The following PATJ variants were observed in gnomAD, a reference collection of about 807,000 sequenced individuals.
The protein encoded by PATJ is PATJ crumbs cell polarity complex component, also known as inaD-like protein.
Under a neutral mutation model 224.9 loss-of-function variants are expected in PATJ, and 190 were observed. The ratio of observed to expected loss-of-function variants is 0.84; its 90% CI spans 0.75 to 0.95. PATJ has a LOEUF of 0.95. Among genes scored for constraint, PATJ ranks in the 40% least tolerant of loss-of-function variants. The pLI, the probability that PATJ is intolerant of heterozygous loss-of-function variation, is 0.00. For missense variants in PATJ, 2,121 were observed against 2,270.3 expected (o/e 0.93, Z 1.34); for synonymous variants, 769 against 820.3 (o/e 0.94, Z 1.07).
rs34267345 is a variant in PATJ, at chr1:61,965,121, CAAAAAAAAAAAAAAAAAAAAAAAAAAA to C, written c.3671-25033_3671-25007del. Among the ~76,000 whole-genome samples the C allele has an allele frequency of 1.1e-3, 58 of 54,372 alleles. 2 individuals carry two copies. Among genetic ancestry groups the C allele is most frequent in the South Asian group, 6.4e-4 (1 of 1,552 alleles). 35.7% of individuals were successfully genotyped at this position (54,372 alleles called of 152,430 possible). ...TGGGCCACTGAAGGAGACTCTGTCT[CAAAAAAAAAAAAAAAAAAAAAAAAAAA>C]AAAAAAAAAAAAAGGAGCCTTCATG... On this transcript the variant is annotated intron_variant, in intron 27 of 43. Coordinates refer to ENST00000642238, the MANE Select transcript of PATJ (RefSeq NM_001350145.3).
intron 1 of PATJ, among the ~76,000 whole-genome samples, chr1:61,748,599 C>T (rs2148160711): frequency 6.6e-6 from 1 of 152,210 alleles, no homozygotes; most frequent in African/African-American, 2.4e-5. Context: ...CTCTCTATAA[C>T]CTCCTCCCTT....
chr1:61,893,662 C>T (rs545732910), intron 22 of PATJ, among the ~76,000 whole-genome samples: 1 of 151,818 alleles, frequency 6.6e-6, no homozygotes, highest in South Asian at 2.1e-4. Context: ...ATTAGCCGGG[C>T]ATGGTAGTGC....
At chr1:61,747,631 G>A (rs1157743098) in intron 1 of PATJ, among the ~76,000 whole-genome samples, 1 of 152,204 alleles carries the variant, frequency 6.6e-6, no homozygotes, top group Non-Finnish European at 1.5e-5. Flanking sequence ...ACTCAAGTTT[G>A]TGAGTGCTCT....
Position 61,888,384 on chromosome 1 carries a change from C to T in PATJ, c.3131+3976C>T, listed in dbSNP as rs12042462. On this transcript the variant is annotated intron_variant, in intron 22 of 43. Coordinates refer to ENST00000642238, the MANE Select transcript of PATJ (RefSeq NM_001350145.3). The stretch of plus-strand genomic sequence containing the variant: ...CTCCGCTTCCCAGGTTCACACCATC[C>T]TCCCACCTCAGCCTCCTGAGTAGCT... Among the ~76,000 whole-genome samples, 623 of 152,276 alleles carry T rather than the reference C, an allele frequency of 4.1e-3. 13 individuals are homozygous for T. The East Asian group carries it at 0.07, about 17-fold the overall frequency.
At chr1:61,968,353 G>A (rs1363544047) in intron 27 of PATJ, among the ~76,000 whole-genome samples, 1 of 152,056 alleles carries the variant, frequency 6.6e-6, no homozygotes, top group African/African-American at 2.4e-5. Flanking sequence ...TGATCACAAC[G>A]TTAGCCGTAA....
chr1:61,910,536 C>CTTTTTTTTTTTTT lies in PATJ; in HGVS notation c.3492+2070_3492+2082dup, dbSNP rs71050181. Among the ~76,000 whole-genome samples, 6 of 42,242 alleles carry CTTTTTTTTTTTTT rather than the reference C, an allele frequency of 1.4e-4. 2 individuals carry two copies. The highest frequency in any genetic ancestry group is 2.6e-4 in the Non-Finnish European group (6 of 23,528). 27.7% of individuals were successfully genotyped at this position (42,242 alleles called of 152,430 possible). A position where few individuals can be genotyped will look rare whatever the true frequency, so the allele number is the denominator to read the frequency against. ...ACTTTGTTTATAGGGCAAAGTGACT[C>CTTTTTTTTTTTTT]TTTTTTTTTTTTTTTTTTTTTTTTT... On this transcript the variant is annotated intron_variant, in intron 25 of 43. Transcript: ENST00000642238.
intron 27 of PATJ, among the ~76,000 whole-genome samples, chr1:61,954,193 A>G (rs755899033): frequency 1.3e-5 from 2 of 152,220 alleles, no homozygotes; most frequent in Non-Finnish European, 1.5e-5. Flanking sequence ...ATTTAACTCC[A>G]AAGTATTTTA....
intron 30 of PATJ, among the ~76,000 whole-genome samples, chr1:62,049,286 AT>A (rs71050195): frequency 0.2 from 25,376 of 126,390 alleles, 2,818 homozygotes; most frequent in African/African-American, 0.36. Flanking sequence ...CACACAGAGT[AT>A]TTTTTTTTCT....
intron 24 of PATJ, among the ~76,000 whole-genome samples, chr1:61,905,772 C>G (rs1334581590): frequency 2.0e-5 from 3 of 152,132 alleles, no homozygotes; most frequent in Non-Finnish European, 4.4e-5. Flanking sequence ...CTCTCACACT[C>G]AAAACAGAAT....
In PATJ at chr1:62,129,040, AG is replaced by A. The variant is rs1666018207; in HGVS notation, c.5271+98del. On this transcript the variant is annotated intron_variant, in intron 41 of 43. Coordinates refer to ENST00000642238, the MANE Select transcript of PATJ (RefSeq NM_001350145.3). ...CTGGCAGTAGACATCGCCACCCAGC[AG>A]GGTGCTTGCTGATGTGAATTACGAA... The A allele has an allele frequency of 1.9e-5, 14 of 748,460 alleles. No homozygotes were observed. The South Asian group carries it at 2.5e-4, about 13-fold the overall frequency. The allele number at this position is 748,460 out of a possible 1,614,324, so 46.4% of individuals were successfully genotyped here. A position where few individuals can be genotyped will look rare whatever the true frequency, so the allele number is the denominator to read the frequency against.
intron 41 of PATJ, among the ~76,000 whole-genome samples, chr1:62,131,838 C>T (rs991086668): frequency 1.3e-5 from 2 of 150,896 alleles, no homozygotes; most frequent in Non-Finnish European, 2.9e-5. Context: ...TAATAAAAAC[C>T]AATATAACCA....
At chr1:62,151,304 AAATT>A (rs1231682735) in intron 42 of PATJ, among the ~76,000 whole-genome samples, 1 of 151,332 alleles carries the variant, frequency 6.6e-6, no homozygotes, top group Non-Finnish European at 1.5e-5. Flanking sequence ...AAACCCAGCA[AAATT>A]GGCCAGGCGG....
At chr1:62,152,420 G>A (rs1299779404) in intron 42 of PATJ, among the ~76,000 whole-genome samples, 2 of 150,466 alleles carry the variant, frequency 1.3e-5, no homozygotes, top group Non-Finnish European at 1.5e-5. Context: ...TTTGGGAGGC[G>A]TCAGGTGGAT....
chr1:62,152,350 G>A (rs190287876), intron 42 of PATJ, among the ~76,000 whole-genome samples: 50 of 144,488 alleles, frequency 3.5e-4, no homozygotes, highest in Non-Finnish European at 6.1e-4. Context: ...TGGCCAGGGC[G>A]TTCCGGCAGA....
chr1:61,837,223 A>G (rs1660318806), intron 17 of PATJ, among the ~76,000 whole-genome samples: 1 of 152,238 alleles, frequency 6.6e-6, no homozygotes, highest in African/African-American at 2.4e-5. Flanking sequence ...ATGGAAATAT[A>G]TTAACAATTA....
Position 61,805,524 on chromosome 1 carries a change from G to T in PATJ, c.1626G>T (p.Met542Ile), listed in dbSNP as rs1172317161. ...ENLLGPDYEVMVATLDTQIAD... is the reference protein window; with the variant it reads ...ENLLGPDYEVIVATLDTQIAD... Reference sequence around the variant, plus strand: ...TGTTGGGTCCTGATTATGAAGTAATGGTATGTTAAAATGCTCTAATAAAAA... The same window carrying T: ...TGTTGGGTCCTGATTATGAAGTAATTGTATGTTAAAATGCTCTAATAAAAA... The change falls in exon 13 of 44, where the codon ATG (methionine) becomes ATT (isoleucine). Residue 542 changes from methionine (M) to isoleucine (I), a missense_variant and splice_region_variant. Physicochemically the swap from Met to Ile is conservative, Grantham distance 10. Coordinates refer to ENST00000642238, the MANE Select transcript of PATJ (RefSeq NM_001350145.3). The T allele has an allele frequency of 4.5e-6, 7 of 1,551,758 alleles. No homozygotes were observed. The highest frequency in any genetic ancestry group is 1.1e-5 in the South Asian group (1 of 89,610).
At chr1:61,830,640 G>C (rs979451575) in intron 16 of PATJ, among the ~76,000 whole-genome samples, 1 of 152,024 alleles carries the variant, frequency 6.6e-6, no homozygotes, top group East Asian at 1.9e-4. Context: ...GTAGTACAAG[G>C]CTATAGTAAT....
intron 33 of PATJ, among the ~76,000 whole-genome samples, chr1:62,099,653 G>T (rs1008883939): frequency 6.6e-6 from 1 of 152,018 alleles, no homozygotes; most frequent in Non-Finnish European, 1.5e-5. Flanking sequence ...ATTAAGCCGT[G>T]TATTCATAGT....
chr1:61,874,593 C>T (rs1375650119), intron 20 of PATJ, among the ~76,000 whole-genome samples: 1 of 152,230 alleles, frequency 6.6e-6, no homozygotes, highest in Non-Finnish European at 1.5e-5. Flanking sequence ...TTCTAAATAT[C>T]TTCACCTTGG....
Sources: allele counts gnomAD v4.1 joint callset (sites outside exome capture counted in the v4.1 genomes callset), GRCh38; gene constraint gnomAD v4.1.1; transcripts MANE v1.5; gene names NCBI Gene and HGNC (gene_info 2026-07-23, HGNC 2026-07-21).